The following SLC1A2 variants were observed in gnomAD, a reference collection of about 807,000 sequenced individuals.
The protein encoded by SLC1A2 is excitatory amino acid transporter 2.
In SLC1A2, 15 loss-of-function variants were observed where a neutral mutation model predicts 48.8. That is an observed-to-expected ratio of 0.31 (90% CI 0.21 to 0.47). SLC1A2 has a LOEUF of 0.47. SLC1A2 is among the 20% of genes least tolerant of loss of function. The pLI is 0.99. For missense variants in SLC1A2, 502 were observed against 730.5 expected (o/e 0.69, Z 3.61); for synonymous variants, 279 against 272.6 (o/e 1.02, Z -0.23).
rs151166275 is a variant in SLC1A2, at chr11:35,294,498, T to G, written c.858-1978A>C. Among the ~76,000 whole-genome samples, 210 of 152,334 alleles carry G rather than the reference T, an allele frequency of 1.4e-3. 4 individuals are homozygous for G. The highest frequency in any genetic ancestry group is 3.4e-3 in the Middle Eastern group (1 of 294). ...TCAAGGTAGTCTCAGGGACCAGCAC[T>G]TCATTCATTGAGACTGTAAATAAGC... On this transcript the variant is annotated intron_variant, in intron 6 of 10. Coordinates refer to ENST00000278379, the MANE Select transcript of SLC1A2 (RefSeq NM_004171.4).
At chr11:35,283,001 G>A (rs1464384346) in intron 8 of SLC1A2, among the ~76,000 whole-genome samples, 1 of 146,340 alleles carries the variant, frequency 6.8e-6, no homozygotes, top group Non-Finnish European at 1.5e-5. Context: ...TAGGGTTCCT[G>A]GAAGCTGTTA....
intron 5 of SLC1A2, among the ~76,000 whole-genome samples, chr11:35,304,194 G>T (rs1281352189): frequency 6.6e-6 from 1 of 152,136 alleles, no homozygotes. Flanking sequence ...AAACTCCCCA[G>T]TAGAGCCAAA....
intron 1 of SLC1A2, among the ~76,000 whole-genome samples, chr11:35,407,067 G>C (rs1322876170): frequency 6.6e-6 from 1 of 150,986 alleles, no homozygotes; most frequent in Non-Finnish European, 1.5e-5. Flanking sequence ...GACTTAGAAA[G>C]GACTTAAAAG....
intron 6 of SLC1A2, among the ~76,000 whole-genome samples, chr11:35,293,002 A>AGC (rs547060021): frequency 0.026 from 3,884 of 152,114 alleles, 78 homozygotes; most frequent in Non-Finnish European, 0.04. Flanking sequence ...AGAGAGAGAG[A>AGC]GAGAGAACAA....
intron 6 of SLC1A2, among the ~76,000 whole-genome samples, chr11:35,294,143 T>A (rs995419521): frequency 2.6e-5 from 4 of 152,352 alleles, no homozygotes; most frequent in African/African-American, 9.6e-5. Context: ...GAGTTAGTGA[T>A]GCTTTCTAGA....
intron 1 of SLC1A2, among the ~76,000 whole-genome samples, chr11:35,389,234 A>T (rs979810162): frequency 2.6e-5 from 4 of 152,198 alleles, no homozygotes; most frequent in African/African-American, 9.7e-5. Flanking sequence ...CATATATTCA[A>T]ATATTCCAAG....
At position 35,306,042 on chromosome 11, in the gene SLC1A2, G is replaced by C. The variant is rs751486848; in HGVS notation, c.730+32C>G. ...GCAGGATAGCCCAGCCATTGCCAGGGAAGCAGAATCCCGGACCACCAGCTG... is the reference window on the plus strand; with the variant it reads ...GCAGGATAGCCCAGCCATTGCCAGGCAAGCAGAATCCCGGACCACCAGCTG... On this transcript the variant is annotated intron_variant, in intron 5 of 10. Transcript: ENST00000278379. 3.1e-6 allele frequency: 5 copies of C among 1,606,636 alleles called. No homozygotes were observed. In the South Asian group the frequency reaches 5.5e-5, roughly 18 times the overall value.
At chr11:35,325,942 C>T (rs1210089723) in intron 1 of SLC1A2, among the ~76,000 whole-genome samples, 1 of 112,994 alleles carries the variant, frequency 8.9e-6, no homozygotes, top group Non-Finnish European at 1.7e-5. Flanking sequence ...CCAGCCTGGG[C>T]AACAAGGGTG....
At chr11:35,280,127 C>T (rs965583672) in intron 9 of SLC1A2, among the ~76,000 whole-genome samples, 1 of 152,164 alleles carries the variant, frequency 6.6e-6, no homozygotes. Flanking sequence ...TCTCTATCCC[C>T]CTATACCTGG....
intron 1 of SLC1A2, among the ~76,000 whole-genome samples, chr11:35,394,681 C>A (rs1854897247): frequency 6.6e-6 from 1 of 152,168 alleles, no homozygotes; most frequent in Admixed American, 6.5e-5. Context: ...GGTAAGCAAA[C>A]CTGTAGGTCT....
At chr11:35,405,955 T>C (rs1016442823) in intron 1 of SLC1A2, among the ~76,000 whole-genome samples, 1 of 152,244 alleles carries the variant, frequency 6.6e-6, no homozygotes, top group African/African-American at 2.4e-5. Context: ...TGCCCTTGCA[T>C]ATCTCTTTTG....
At chr11:35,338,102 C>T (rs543554767) in intron 1 of SLC1A2, among the ~76,000 whole-genome samples, 1 of 152,162 alleles carries the variant, frequency 6.6e-6, no homozygotes, top group African/African-American at 2.4e-5. Flanking sequence ...AAACTACAGC[C>T]ATGGGCCAAA....
intron 1 of SLC1A2, among the ~76,000 whole-genome samples, chr11:35,390,159 A>T (rs1019150149): frequency 3.3e-5 from 5 of 152,234 alleles, no homozygotes; most frequent in Non-Finnish European, 5.9e-5. Flanking sequence ...AAAGACAAAA[A>T]CACAAACAAA....
At chr11:35,365,936 G>T (rs1355427093) in intron 1 of SLC1A2, among the ~76,000 whole-genome samples, 1 of 152,166 alleles carries the variant, frequency 6.6e-6, no homozygotes, top group Non-Finnish European at 1.5e-5. Context: ...GGGGAGGGAG[G>T]CTATGGGCAC....
intron 1 of SLC1A2, among the ~76,000 whole-genome samples, chr11:35,328,914 A>G (rs1307774924): frequency 6.6e-6 from 1 of 152,168 alleles, no homozygotes; most frequent in Admixed American, 6.6e-5. Flanking sequence ...AAAAATACAG[A>G]TCTCCAAAAC....
At chr11:35,334,184 T>C (rs922364033) in intron 1 of SLC1A2, among the ~76,000 whole-genome samples, 6 of 152,174 alleles carry the variant, frequency 3.9e-5, no homozygotes, top group Admixed American at 3.3e-4. Context: ...TTGACACCAA[T>C]GCGAAGTGTC....
At chr11:35,303,786 GT>G (rs1235284491) in intron 5 of SLC1A2, among the ~76,000 whole-genome samples, 1 of 139,930 alleles carries the variant, frequency 7.1e-6, no homozygotes, top group Non-Finnish European at 1.6e-5. Flanking sequence ...GTTTCTGGAG[GT>G]TTTTTAGGAG....
At chr11:35,392,041 A>G (rs574246861) in intron 1 of SLC1A2, among the ~76,000 whole-genome samples, 4 of 152,328 alleles carry the variant, frequency 2.6e-5, no homozygotes, top group African/African-American at 9.6e-5. Flanking sequence ...ATAACAAAAT[A>G]GTTTGCAGAA....
chr11:35,349,086 T>C (rs1170319657), intron 1 of SLC1A2, among the ~76,000 whole-genome samples: 2 of 151,772 alleles, frequency 1.3e-5, no homozygotes, highest in Non-Finnish European at 2.9e-5. Flanking sequence ...AGTGGCAAGG[T>C]TCCAAAACAG....
Sources: allele counts gnomAD v4.1 joint callset (sites outside exome capture counted in the v4.1 genomes callset), GRCh38; gene constraint gnomAD v4.1.1; transcripts MANE v1.5; gene names NCBI Gene and HGNC (gene_info 2026-07-23, HGNC 2026-07-21).